PELI2: variants seen among roughly 807,000 people sequenced by gnomAD.
The protein encoded by PELI2 is pellino E3 ubiquitin protein ligase family member 2, also known as E3 ubiquitin-protein ligase pellino homolog 2.
Under a neutral mutation model 42.3 loss-of-function variants are expected in PELI2, and 23 were observed. That is an observed-to-expected ratio of 0.54 (90% CI 0.39 to 0.77). The LOEUF (loss-of-function observed/expected upper bound fraction) is 0.77. Ranked by LOEUF, PELI2 falls within the 30% of genes least tolerant of loss-of-function variation. The probability of loss-of-function intolerance (pLI) is 0.00; values close to 1 mark genes in which losing one functional copy is unlikely to be tolerated. For synonymous variants in PELI2, 245 were observed against 212.2 expected, an observed-to-expected ratio of 1.15 and a Z score of -1.34; for missense variants, 463 against 553.2, an observed-to-expected ratio of 0.84 and a Z score of 1.64.
At position 56,168,140 on chromosome 14, in the gene PELI2, T is replaced by G. The variant is rs140096207; in HGVS notation, c.78-10195T>G. ...GACCTGGAGCCAGCACAGCATTGGG[T>G]CTTGCCCAAGGCCTGCTGTAACTAT... is the stretch of plus-strand genomic sequence containing the variant. On this transcript the variant is annotated intron_variant, in intron 1 of 5. Transcript: ENST00000267460. Among the ~76,000 whole-genome samples the G allele has an allele frequency of 1.7e-3, 264 of 152,264 alleles. 1 individual carries two copies. Among genetic ancestry groups the G allele is most frequent in the African/African-American group, 6.1e-3 (255 of 41,546 alleles).
At chr14:56,200,546 A>G (rs1030685417) in intron 2 of PELI2, among the ~76,000 whole-genome samples, 2 of 152,244 alleles carry the variant, frequency 1.3e-5, no homozygotes, top group Non-Finnish European at 2.9e-5. Context: ...AATGACGACC[A>G]AGAAGGAAGG....
rs1566590076 is a variant in PELI2, at chr14:56,118,747, G to GGGGTCCC, written c.77+11_77+17dup. On this transcript the variant is annotated intron_variant, in intron 1 of 5. Transcript: ENST00000267460. ...AGCTGGTGGTGCTCGGGTGAGTCCTGGGGTCCCTGGTCCCGGGCAGCGGCG... is the reference window on the plus strand; with the variant it reads ...AGCTGGTGGTGCTCGGGTGAGTCCTGGGGTCCCGGGTCCCTGGTCCCGGGCAGCGGCG... 1 of 1,488,738 alleles carries GGGGTCCC rather than the reference G, an allele frequency of 6.7e-7. No homozygotes were observed. Among genetic ancestry groups the GGGGTCCC allele is most frequent in the Non-Finnish European group, 9.0e-7 (1 of 1,112,050 alleles). The allele number at this position is 1,488,738 out of a possible 1,614,324, so 92.2% of individuals were successfully genotyped here.
chr14:56,145,700 T>C (rs2077950093), intron 1 of PELI2, among the ~76,000 whole-genome samples: 1 of 152,204 alleles, frequency 6.6e-6, no homozygotes. Flanking sequence ...TATTCAACCA[T>C]ATTTTATGAG....
chr14:56,177,193 T>A (rs1885413688), intron 1 of PELI2, among the ~76,000 whole-genome samples: 1 of 152,256 alleles, frequency 6.6e-6, no homozygotes, highest in African/African-American at 2.4e-5. Flanking sequence ...ACTGTGACGC[T>A]GACTTGACTG....
At chr14:56,138,869 C>G (rs918786976) in intron 1 of PELI2, among the ~76,000 whole-genome samples, 1 of 152,212 alleles carries the variant, frequency 6.6e-6, no homozygotes, top group Non-Finnish European at 1.5e-5. Context: ...ACAATGATTT[C>G]TCCTGTGTTG....
At chr14:56,209,012 T>C (rs1886618027) in intron 2 of PELI2, among the ~76,000 whole-genome samples, 1 of 152,210 alleles carries the variant, frequency 6.6e-6, no homozygotes, top group Non-Finnish European at 1.5e-5. Context: ...TTAATATTTT[T>C]CTGATGAAGT....
intron 2 of PELI2, among the ~76,000 whole-genome samples, chr14:56,235,068 G>T (rs1481775210): frequency 6.6e-6 from 1 of 152,152 alleles, no homozygotes; most frequent in African/African-American, 2.4e-5. Flanking sequence ...GGCTTAGGAA[G>T]TATATCAGGA....
Position 56,203,880 on chromosome 14 carries a change from A to G in PELI2, c.207+25416A>G, listed in dbSNP as rs572398965. Among the ~76,000 whole-genome samples the G allele has an allele frequency of 2.6e-5, 4 of 152,346 alleles. No individual in the cohort carries two copies. The East Asian group carries it at 7.7e-4, about 29-fold the overall frequency. ...GACTTTTCAGCTGAGTCTCTCACCC[A>G]TAAAAAGATTAGGATTTAACTGTTA... On this transcript the variant is annotated intron_variant, in intron 2 of 5. Transcript: ENST00000267460.
At chr14:56,260,494 C>G (rs1041046336) in intron 2 of PELI2, among the ~76,000 whole-genome samples, 3 of 152,138 alleles carry the variant, frequency 2.0e-5, no homozygotes, top group African/African-American at 7.2e-5. Context: ...ATTGGCTGCA[C>G]AGTCATGAAG....
At chr14:56,236,871 T>A (rs1347731590) in intron 2 of PELI2, among the ~76,000 whole-genome samples, 1 of 152,196 alleles carries the variant, frequency 6.6e-6, no homozygotes, top group East Asian at 1.9e-4. Context: ...CCTGTTCTAT[T>A]TGTACCAAGA....
At chr14:56,130,173 G>T (rs146251826) in intron 1 of PELI2, among the ~76,000 whole-genome samples, 1 of 152,156 alleles carries the variant, frequency 6.6e-6, no homozygotes, top group South Asian at 2.1e-4. Context: ...TGGCTCCTGA[G>T]CCCTGATGGT....
chr14:56,279,637 A>G, intron 2 of PELI2, 39 bp from the exon 3 acceptor site: 1 of 1,172,220 alleles, frequency 8.5e-7, no homozygotes. Flanking sequence ...AGTTGTTGAA[A>G]TGGAATTGTA....
At chr14:56,271,621 C>T (rs1318521788) in intron 2 of PELI2, among the ~76,000 whole-genome samples, 1 of 152,076 alleles carries the variant, frequency 6.6e-6, no homozygotes, top group South Asian at 2.1e-4. Context: ...GCAGGGGAGC[C>T]GATACTTAGT....
intron 1 of PELI2, among the ~76,000 whole-genome samples, chr14:56,119,464 G>T (rs950009519): frequency 1.3e-5 from 2 of 152,178 alleles, no homozygotes; most frequent in African/African-American, 4.8e-5. Context: ...CCCGGTCCCG[G>T]CCTCGCTGAT....
At chr14:56,235,825 G>T (rs2139782024) in intron 2 of PELI2, among the ~76,000 whole-genome samples, 1 of 152,320 alleles carries the variant, frequency 6.6e-6, no homozygotes, top group East Asian at 1.9e-4. Context: ...AGTAAACCAT[G>T]GGGAAGACAG....
chr14:56,143,649 A>G (rs913787864), intron 1 of PELI2, among the ~76,000 whole-genome samples: 1 of 151,856 alleles, frequency 6.6e-6, no homozygotes, highest in Non-Finnish European at 1.5e-5. Flanking sequence ...GGAGTTTGGG[A>G]TATTTATTTT....
chr14:56,181,217 G>C (rs180749753), intron 2 of PELI2, among the ~76,000 whole-genome samples: 21 of 151,998 alleles, frequency 1.4e-4, no homozygotes, highest in African/African-American at 5.1e-4. Flanking sequence ...GTTTGCCACG[G>C]TTATTGGCCC....
intron 1 of PELI2, among the ~76,000 whole-genome samples, chr14:56,122,788 A>G (rs1411279500): frequency 2.6e-5 from 4 of 152,262 alleles, no homozygotes; most frequent in African/African-American, 9.6e-5. Context: ...TGTAGGCAAC[A>G]AAAAGACTTG....
chr14:56,178,452 C>T lies in PELI2; in HGVS notation c.195C>T (p.Pro65=), dbSNP rs368662358. Residue 65 remains proline, a synonymous_variant, in exon 2 of 6, where the codon CCC becomes CCT. Coordinates refer to ENST00000267460, the MANE Select transcript of PELI2 (RefSeq NM_021255.3). ...GCACCGTCCATGTGATATCCACGCC[C>T]CAGGCATCCAAGGTAGGTGGGTCTG... ...KPSTVHVIST[P]QASKAISCKG... 8.3e-5 allele frequency: 134 copies of T among 1,613,990 alleles called. No homozygotes were observed. The highest frequency in any genetic ancestry group is 1.1e-4 in the Non-Finnish European group (130 of 1,180,012).
Sources: gnomAD v4.1 joint callset for allele counts (sites outside exome capture counted in the v4.1 genomes callset) on GRCh38, gnomAD v4.1.1 for gene constraint, MANE v1.5 for transcripts, NCBI Gene and HGNC (gene_info 2026-07-23, HGNC 2026-07-21) for gene names.